Variants in CEP112 observed in about 807,000 individuals in gnomAD.
The protein encoded by CEP112 is centrosomal protein of 112 kDa.
In CEP112, 127 loss-of-function variants were observed where a neutral mutation model predicts 153.0. That is an observed-to-expected ratio of 0.83 (90% CI 0.72 to 0.96). The LOEUF is 0.96. Among genes scored for constraint, CEP112 ranks in the 40% least tolerant of loss-of-function variants. The probability of loss-of-function intolerance (pLI) is 0.00; values close to 1 mark genes in which losing one functional copy is unlikely to be tolerated. For synonymous variants in CEP112, 358 were observed against 374.4 expected, an observed-to-expected ratio of 0.96 and a Z score of 0.51; for missense variants, 1,089 against 1,101.2, an observed-to-expected ratio of 0.99 and a Z score of 0.16.
At chr17:66,154,171 C>G (rs997735805) in intron 4 of CEP112, among the ~76,000 whole-genome samples, 4 of 140,494 alleles carry the variant, frequency 2.8e-5, no homozygotes, top group Non-Finnish European at 4.7e-5. Flanking sequence ...GAGTGAGACT[C>G]CGTCTCAAAA....
At chr17:65,716,503 C>T (rs544292093) in intron 23 of CEP112, among the ~76,000 whole-genome samples, 59 of 152,066 alleles carry the variant, frequency 3.9e-4, no homozygotes, top group African/African-American at 1.2e-3. Context: ...AGAGACTGAG[C>T]GGGGAAGGTA....
chr17:65,680,750 T>C (rs2047479542), intron 24 of CEP112, among the ~76,000 whole-genome samples: 1 of 152,202 alleles, frequency 6.6e-6, no homozygotes, highest in South Asian at 2.1e-4. Context: ...GGAGGTTTAA[T>C]TGACTCACAG....
At chr17:66,014,246 G>A (rs1326523129) in intron 16 of CEP112, among the ~76,000 whole-genome samples, 3 of 152,154 alleles carry the variant, frequency 2.0e-5, no homozygotes, top group African/African-American at 7.2e-5. Context: ...GGGCCACTCT[G>A]CTGGAGCTCT....
At chr17:65,888,854 A>ATC (rs1361906837) in intron 20 of CEP112, among the ~76,000 whole-genome samples, 2 of 152,086 alleles carry the variant, frequency 1.3e-5, no homozygotes, top group Non-Finnish European at 2.9e-5. Flanking sequence ...GAAGCTCCTT[A>ATC]TCTCCCATTA....
At chr17:65,720,022 A>C (rs1478323011) in intron 23 of CEP112, among the ~76,000 whole-genome samples, 1 of 152,208 alleles carries the variant, frequency 6.6e-6, no homozygotes, top group Non-Finnish European at 1.5e-5. Flanking sequence ...GTGAATGCAC[A>C]GAAGAGGATT....
intron 21 of CEP112, among the ~76,000 whole-genome samples, chr17:65,832,382 T>C (rs2057116741): frequency 6.7e-6 from 1 of 149,532 alleles, no homozygotes; most frequent in African/African-American, 2.5e-5. Context: ...CAAAAAGCCA[T>C]TCAAAAGATC....
chr17:65,727,223 A>G (rs944349363), intron 23 of CEP112, among the ~76,000 whole-genome samples: 1 of 152,194 alleles, frequency 6.6e-6, no homozygotes, highest in Non-Finnish European at 1.5e-5. Context: ...CTTCTGATTT[A>G]CATTTATTTG....
At chr17:66,116,325 T>C (rs1449065591) in intron 6 of CEP112, among the ~76,000 whole-genome samples, 2 of 152,198 alleles carry the variant, frequency 1.3e-5, no homozygotes, top group African/African-American at 2.4e-5. Flanking sequence ...TTTTCCGTTT[T>C]ATTGTTCTTT....
chr17:65,716,289 T>C (rs1252397983), intron 23 of CEP112, among the ~76,000 whole-genome samples: 2 of 152,130 alleles, frequency 1.3e-5, no homozygotes, highest in African/African-American at 4.8e-5. Context: ...CTCGAGTAGC[T>C]GGGATTACAG....
rs549075952 is a variant in CEP112, at chr17:65,679,582, G to T, written c.2697+9547C>A. On this transcript the variant is annotated intron_variant, in intron 24 of 26. Transcript: ENST00000535342. ...CCTTTATGGAAAATGAAAATTAAAG[G>T]CTTGGAAATCTGTAGAAGACCAATT... Among the ~76,000 whole-genome samples, 4 of 152,190 alleles carry T rather than the reference G, an allele frequency of 2.6e-5. No individual in the cohort carries two copies. In the East Asian group the frequency reaches 7.7e-4, roughly 29 times the overall value.
chr17:65,823,522 C>T (rs1407279146), intron 21 of CEP112, among the ~76,000 whole-genome samples: 3 of 152,096 alleles, frequency 2.0e-5, no homozygotes, highest in Non-Finnish European at 2.9e-5. Context: ...AAATGGACCA[C>T]AGACCAAAAA....
chr17:65,690,316 C>T (rs1335005555), intron 23 of CEP112, among the ~76,000 whole-genome samples: 4 of 148,168 alleles, frequency 2.7e-5, no homozygotes, highest in African/African-American at 1.0e-4. Context: ...GTCCCAGCTA[C>T]TTAGGATGCT....
chr17:65,870,893 T>C (rs1341515038), intron 20 of CEP112, among the ~76,000 whole-genome samples: 1 of 152,228 alleles, frequency 6.6e-6, no homozygotes, highest in African/African-American at 2.4e-5. Context: ...ATTCAAGTAA[T>C]TGGAGAGAAG....
chr17:65,938,408 G>C (rs1225776073), intron 18 of CEP112, among the ~76,000 whole-genome samples: 1 of 82,872 alleles, frequency 1.2e-5, no homozygotes, highest in Non-Finnish European at 2.4e-5. Context: ...ACCCAAGAAT[G>C]ATCAATAAAA....
intron 23 of CEP112, among the ~76,000 whole-genome samples, chr17:65,732,254 T>A (rs371311598): frequency 2.0e-5 from 3 of 152,224 alleles, no homozygotes; most frequent in Non-Finnish European, 4.4e-5. Context: ...GGTGACCAGG[T>A]GCATGGTTAA....
Position 66,059,529 on chromosome 17 carries a change from C to T in CEP112, c.1074+3434G>A, listed in dbSNP as rs553611165. 2.6e-5 allele frequency among the ~76,000 whole-genome samples: 4 copies of T among 152,176 alleles called. No homozygotes were observed. In the East Asian group the frequency reaches 7.7e-4, roughly 29 times the overall value. On this transcript the variant is annotated intron_variant, in intron 11 of 26. Coordinates refer to ENST00000535342, the MANE Select transcript of CEP112 (RefSeq NM_001199165.4). Reference sequence around the variant, plus strand: ...TCTCAAAAAAAGACATACAAGTGGCCAACAAACATACGAAAAAATGTTCAA... The same window carrying T: ...TCTCAAAAAAAGACATACAAGTGGCTAACAAACATACGAAAAAATGTTCAA...
At chr17:65,947,058 ATATT>A (rs1438599197) in intron 18 of CEP112, among the ~76,000 whole-genome samples, 2 of 152,182 alleles carry the variant, frequency 1.3e-5, no homozygotes, top group Non-Finnish European at 2.9e-5. Context: ...ATTTACTTGT[ATATT>A]TATTTATATT....
chr17:66,069,359 T>C (rs1185823840), intron 9 of CEP112, among the ~76,000 whole-genome samples: 4 of 151,844 alleles, frequency 2.6e-5, no homozygotes, highest in Non-Finnish European at 5.9e-5. Flanking sequence ...TTAACAATTT[T>C]TGCTGTGCCA....
intron 23 of CEP112, among the ~76,000 whole-genome samples, chr17:65,739,390 AAAG>A (rs1261456004): frequency 2.0e-5 from 3 of 152,230 alleles, no homozygotes; most frequent in Non-Finnish European, 4.4e-5. Flanking sequence ...AATAAGTGAT[AAAG>A]AAGATTTTTT....
Sources: gnomAD v4.1 joint callset for allele counts (sites outside exome capture counted in the v4.1 genomes callset) on GRCh38, gnomAD v4.1.1 for gene constraint, MANE v1.5 for transcripts, NCBI Gene and HGNC (gene_info 2026-07-23, HGNC 2026-07-21) for gene names.